The following USP35 variants were observed in gnomAD, a reference collection of about 807,000 sequenced individuals.
USP35 encodes the protein ubiquitin carboxyl-terminal hydrolase 35.
In USP35, 69 loss-of-function variants were observed where a neutral mutation model predicts 83.8. The ratio of observed to expected loss-of-function variants is 0.82; its 90% CI spans 0.68 to 1.01. The LOEUF (loss-of-function observed/expected upper bound fraction) is 1.01, where lower values mean the gene tolerates loss of function less well. Ranked by LOEUF, USP35 falls within the 50% of genes least tolerant of loss-of-function variation. The pLI, the probability that USP35 is intolerant of heterozygous loss-of-function variation, is 0.00. For synonymous variants in USP35, 714 were observed against 589.5 expected, an observed-to-expected ratio of 1.21 and a Z score of -3.06; for missense variants, 1,503 against 1,362.5, an observed-to-expected ratio of 1.10 and a Z score of -1.62.
the USP35 span, chr11:78,226,754 G>A: frequency 0.19 from 310,444 of 1,613,514 alleles, 34,267 homozygotes; most frequent in East Asian, 0.41. Context: ...GGAGGTCCCC[G>A]AACTCCCTGC....
chr11:78,222,632 G>C, the USP35 span, among the ~76,000 whole-genome samples: 20 of 151,662 alleles, frequency 1.3e-4, no homozygotes, highest in Admixed American at 5.3e-4. Flanking sequence ...GCTCAGGCTG[G>C]AGTGCAGCGG....
At chr11:78,215,474 A>AAATT (rs756953639), downstream of USP35, 2 of 152,720 alleles carry the variant, frequency 1.3e-5, no homozygotes, top group African/African-American at 4.8e-5. Flanking sequence ...ACAACAGAAT[A>AAATT]AATTAATAAC....
the USP35 span, chr11:78,227,119 G>A: frequency 9.5e-7 from 1 of 1,055,208 alleles, no homozygotes; most frequent in Non-Finnish European, 1.4e-6. Flanking sequence ...TTGAGGCAAA[G>A]CACTTTCTCT....
At chr11:78,226,788 AAGGTGT>A in the USP35 span, 2 of 1,614,056 alleles carry the variant, frequency 1.2e-6, no homozygotes, top group Non-Finnish European at 1.7e-6. Flanking sequence ...GGGCGTCTTG[AAGGTGT>A]ACACATCCTC....
intron 3 of USP35, chr11:78,198,654 C>G: frequency 2.0e-6 from 2 of 985,450 alleles, no homozygotes; most frequent in Non-Finnish European, 2.4e-6. Flanking sequence ...GTGTGCAGAT[C>G]CACCGTCTTC....
chr11:78,196,467 C>A lies in USP35; in HGVS notation c.222C>A (p.Asp74Glu). 1 of 1,248,362 alleles carries A rather than the reference C, an allele frequency of 8.0e-7. No homozygotes were observed. 77.3% of individuals were successfully genotyped at this position (1,248,362 alleles called of 1,614,324 possible). The change falls in exon 2 of 11, where the codon GAC (aspartate) becomes GAA (glutamate). Residue 74 changes from aspartate to glutamate, a missense_variant. Coordinates refer to ENST00000529308, the MANE Select transcript of USP35 (RefSeq NM_020798.4). This position sits in a 1 kb window ranked among gnomAD's most constrained non-coding sequence, Gnocchi z 4.8. ...ACGTGGCCGGCCGCCACCACCCCGA[C>A]GTCTTCGCCGAGTTCTTCAGCGCGC... ...LLHVAGRHHP[D>E]VFAEFFSARR...
chr11:78,213,695 C>T lies in USP35; in HGVS notation c.2939C>T (p.Pro980Leu), dbSNP rs1863912292. The change falls in exon 11 of 11, where the codon CCC becomes CTC. Residue 980 changes from proline to leucine, a missense_variant. Coordinates refer to ENST00000529308, the MANE Select transcript of USP35 (RefSeq NM_020798.4). ...RSRAAYISAL[P>L]TSPHWGRGFD... ...AGGGCGGCCTACATCTCTGCACTCC[C>T]CACATCTCCGCACTGGGGGAGGGGC... 1.3e-6 allele frequency: 2 copies of T among 1,528,000 alleles called. No homozygotes were observed. The highest frequency in any genetic ancestry group is 2.9e-5 in the African/African-American group (2 of 69,166). 94.7% of individuals were successfully genotyped at this position (1,528,000 alleles called of 1,614,324 possible).
chr11:78,219,053 A>T, downstream of USP35: 1 of 540,558 alleles, frequency 1.8e-6, no homozygotes, highest in Admixed American at 3.2e-5. Context: ...TTACTGATAA[A>T]AATCACAGCT....
the USP35 span, chr11:78,220,361 C>A: frequency 6.2e-7 from 1 of 1,613,054 alleles, no homozygotes. Context: ...AGTCCAGGGC[C>A]AGATAATCAA....
chr11:78,210,640 G>A lies in USP35; in HGVS notation c.2785G>A (p.Glu929Lys). ...YVLFYRQRPR[E>K]GPEAELGSSR... ...GCTGTTTTACCGGCAGCGGCCCAGGGAGGGGCCCGAGGCTGAGTTGGGCTC... is the reference window on the plus strand; with the variant it reads ...GCTGTTTTACCGGCAGCGGCCCAGGAAGGGGCCCGAGGCTGAGTTGGGCTC... The change falls in exon 10 of 11, where the codon GAG (glutamate) becomes AAG (lysine). Residue 929 changes from glutamate to lysine, a missense_variant. Transcript: ENST00000529308. 6.2e-7 allele frequency: 1 copy of A among 1,614,114 alleles called. No homozygotes were observed. The highest frequency in any genetic ancestry group is 8.5e-7 in the Non-Finnish European group (1 of 1,179,974).
intron 1 of USP35, among the ~76,000 whole-genome samples, chr11:78,194,118 T>C (rs1242143964): frequency 1.3e-5 from 2 of 148,300 alleles, no homozygotes; most frequent in Admixed American, 6.6e-5. Flanking sequence ...CACTGATGTC[T>C]GCCATGGTTA....
At position 78,213,737 on chromosome 11, in the gene USP35, A is replaced by T. The variant is rs1863916766; in HGVS notation, c.2981A>T (p.Asp994Val). 1 of 1,538,432 alleles carries T rather than the reference A, an allele frequency of 6.5e-7. No individual in the cohort carries two copies. Among genetic ancestry groups the T allele is most frequent in the Non-Finnish European group, 8.7e-7 (1 of 1,152,496 alleles). Reference protein sequence around the residue: ...HWGRGFDEDKDEDEGSPGGCN... With the variant: ...HWGRGFDEDKVEDEGSPGGCN... Reference sequence around the variant, plus strand: ...GGGAGGGGCTTTGATGAAGACAAGGATGAGGATGAAGGCTCTCCAGGGGGC... The same window carrying T: ...GGGAGGGGCTTTGATGAAGACAAGGTTGAGGATGAAGGCTCTCCAGGGGGC... The change falls in exon 11 of 11, where the codon GAT becomes GTT. Residue 994 changes from aspartate (D) to valine (V), a missense_variant. Coordinates refer to ENST00000529308, the MANE Select transcript of USP35 (RefSeq NM_020798.4).
chr11:78,208,633 C>T (rs1050944629), intron 8 of USP35, among the ~76,000 whole-genome samples: 2 of 152,130 alleles, frequency 1.3e-5, no homozygotes, highest in Admixed American at 1.3e-4. Context: ...CCTAGAGCCT[C>T]GTTCATTTCT....
intron 1 of USP35, among the ~76,000 whole-genome samples, chr11:78,191,791 C>T (rs992405391): frequency 6.6e-6 from 1 of 151,808 alleles, no homozygotes; most frequent in Non-Finnish European, 1.5e-5. Context: ...CTGTGTCTCC[C>T]ATCAGTGCCA....
chr11:78,219,152 G>A (rs2134448152), downstream of USP35: 5 of 962,970 alleles, frequency 5.2e-6, no homozygotes, highest in East Asian at 2.5e-5. Flanking sequence ...GTGCTTTGAA[G>A]GCTGAGACTG....
In USP35 at chr11:78,188,962, G is replaced by C. The variant is rs967738337; in HGVS notation, c.-206G>C. ...CAGAGTCGGGCTTCCTGGATACATAGAGGCTTGTGCCAGGCGGGGTGGGAA... is the reference window on the plus strand; with the variant it reads ...CAGAGTCGGGCTTCCTGGATACATACAGGCTTGTGCCAGGCGGGGTGGGAA... On this transcript the variant is annotated 5_prime_UTR_variant, in exon 1 of 11. Coordinates refer to ENST00000529308, the MANE Select transcript of USP35 (RefSeq NM_020798.4). 5.1e-5 allele frequency: 50 copies of C among 985,320 alleles called. No homozygotes were observed. Among genetic ancestry groups the C allele is most frequent in the Non-Finnish European group, 5.5e-5 (46 of 829,894 alleles). The allele number at this position is 985,320 out of a possible 1,614,324, so 61.0% of individuals were successfully genotyped here.
chr11:78,207,645 G>A (rs754749276), intron 8 of USP35, 22 bp downstream of exon 8: 30 of 1,609,464 alleles, frequency 1.9e-5, no homozygotes, highest in Admixed American at 8.3e-5. Flanking sequence ...GGCAGTCAGA[G>A]GGGGGTGGAG....
chr11:78,223,615 A>T, the USP35 span: 1 of 1,613,526 alleles, frequency 6.2e-7, no homozygotes, highest in Non-Finnish European at 8.5e-7. Flanking sequence ...ACCTGGATTC[A>T]TGGGCACATA....
intron 3 of USP35, 65 bp downstream of exon 3, chr11:78,198,133 C>G: frequency 6.2e-7 from 1 of 1,603,830 alleles, no homozygotes. Flanking sequence ...CTCAGAAGCC[C>G]CTTCTCCTGG....
Sources: allele counts gnomAD v4.1 joint callset (sites outside exome capture counted in the v4.1 genomes callset), GRCh38; gene constraint gnomAD v4.1.1; non-coding constraint Gnocchi (gnomAD v3.1); transcripts MANE v1.5; gene names NCBI Gene and HGNC (gene_info 2026-07-23, HGNC 2026-07-21).